The following DAGLA variants were observed in gnomAD, a reference collection of about 807,000 sequenced individuals.
The protein encoded by DAGLA is diacylglycerol lipase alpha.
In DAGLA, 22 loss-of-function variants were observed where a neutral mutation model predicts 102.6. The ratio of observed to expected loss-of-function variants is 0.21; its 90% CI spans 0.15 to 0.31. DAGLA has a LOEUF of 0.31. Ranked by LOEUF, DAGLA falls within the 10% of genes least tolerant of loss-of-function variation. The probability of loss-of-function intolerance (pLI) is 1.00; values close to 1 mark genes in which losing one functional copy is unlikely to be tolerated. For synonymous variants in DAGLA, 578 were observed against 628.9 expected (o/e 0.92, Z 1.21); for missense variants, 927 against 1,446.6 (o/e 0.64, Z 5.83).
intron 1 of DAGLA, among the ~76,000 whole-genome samples, chr11:61,715,215 G>A (rs952478440): frequency 6.6e-6 from 1 of 152,206 alleles, no homozygotes; most frequent in African/African-American, 2.4e-5. Flanking sequence ...TGTGAGGACT[G>A]AAGCCGGTTA....
At position 61,743,992 on chromosome 11, in the gene DAGLA, G is replaced by A. The variant is rs759559085; in HGVS notation, c.2632G>A (p.Glu878Lys). The A allele has an allele frequency of 1.6e-5, 26 of 1,611,882 alleles. No individual in the cohort carries two copies. Among genetic ancestry groups the A allele is most frequent in the South Asian group, 3.3e-5 (3 of 91,056 alleles). The change falls in exon 20 of 20, where the codon GAG becomes AAG. Residue 878 changes from glutamate (E) to lysine (K), a missense_variant. Glu to Lys is a moderately conservative substitution (Grantham distance 56). Around this residue, in one of 4 missense-constraint regions of DAGLA, gnomAD observed 434 missense variants for 503.3 expected, o/e 0.86. Coordinates refer to ENST00000257215, the MANE Select transcript of DAGLA (RefSeq NM_006133.3). ...ERPPSAAAND[E>K]EEEVGGGGGG... ...GCCCCCCAGTGCTGCGGCCAATGAC[G>A]AGGAGGAAGAGGTTGGCGGTGGGGG...
At chr11:61,697,452 C>T (rs1006586150) in intron 1 of DAGLA, among the ~76,000 whole-genome samples, 1 of 152,112 alleles carries the variant, frequency 6.6e-6, no homozygotes, top group African/African-American at 2.4e-5. Flanking sequence ...CAGGTGGTGC[C>T]AAGGACAGGA....
chr11:61,738,074 C>G, intron 15 of DAGLA, 61 bp from the exon 16 acceptor site: 1 of 1,391,160 alleles, frequency 7.2e-7, no homozygotes, highest in East Asian at 2.3e-5. Context: ...GCCCCTGGCC[C>G]CATACCTCTC....
intron 4 of DAGLA, 75 bp from the exon 5 acceptor site, chr11:61,723,359 C>A: frequency 6.4e-7 from 1 of 1,565,354 alleles, no homozygotes; most frequent in South Asian, 1.1e-5. Flanking sequence ...GCTCCAATGT[C>A]CCTTTCTTCA....
At chr11:61,706,125 C>T (rs1439991685) in intron 1 of DAGLA, among the ~76,000 whole-genome samples, 2 of 152,264 alleles carry the variant, frequency 1.3e-5, no homozygotes, top group South Asian at 2.1e-4. Flanking sequence ...GTAGAGTACA[C>T]CCCAGGGAGG....
chr11:61,743,318 G>C (rs567634838), intron 19 of DAGLA, among the ~76,000 whole-genome samples: 1 of 149,686 alleles, frequency 6.7e-6, no homozygotes, highest in Admixed American at 6.6e-5. Flanking sequence ...AGCCAAGATC[G>C]TGCCACTGCA....
intron 1 of DAGLA, among the ~76,000 whole-genome samples, chr11:61,690,930 C>T (rs1269074022): frequency 1.3e-5 from 2 of 152,230 alleles, no homozygotes; most frequent in South Asian, 2.1e-4. Flanking sequence ...TCCAACCGAC[C>T]TTCACCGACC....
chr11:61,689,612 C>T (rs1042553916), intron 1 of DAGLA, among the ~76,000 whole-genome samples: 3 of 151,878 alleles, frequency 2.0e-5, no homozygotes. Flanking sequence ...TCACGCCATT[C>T]TCCTGCCTCA....
At chr11:61,731,289 T>C (rs748664631) in intron 8 of DAGLA, 28 bp from the exon 9 acceptor site, 1 of 1,611,260 alleles carries the variant, frequency 6.2e-7, no homozygotes, top group East Asian at 2.2e-5. Flanking sequence ...GGGCAGGAGG[T>C]GACCGCCCTC....
At position 61,744,344 on chromosome 11, in the gene DAGLA, G is replaced by C; in HGVS notation, c.2984G>C (p.Ser995Thr). ...TCACTCTCGCCCTCCTTCCCGCTCA[G>C]CTCCTCGGGTGAGCTCATGGACCTG... is the stretch of plus-strand genomic sequence containing the variant. ...GISLSPSFPL[S>T]SSGELMDLTP... is the part of the protein sequence containing the mutation. The change falls in exon 20 of 20, where the codon AGC becomes ACC. Residue 995 changes from serine to threonine, a missense_variant. Physicochemically the swap from Ser to Thr is moderately conservative, Grantham distance 58. Transcript: ENST00000257215. 1 of 1,612,636 alleles carries C rather than the reference G, an allele frequency of 6.2e-7. No homozygotes were observed. The highest frequency in any genetic ancestry group is 8.5e-7 in the Non-Finnish European group (1 of 1,179,758).
At position 61,739,652 on chromosome 11, in the gene DAGLA, A is replaced by C; in HGVS notation, c.1844A>C (p.Glu615Ala). Residue 615 changes from glutamate to alanine, a missense_variant, in exon 17 of 20, where the codon GAG (glutamate) becomes GCG (alanine). Around this residue, in one of 4 missense-constraint regions of DAGLA, gnomAD observed 218 missense variants for 459.6 expected, o/e 0.47. Coordinates refer to ENST00000257215, the MANE Select transcript of DAGLA (RefSeq NM_006133.3). ...IIHVVHNHPA[E>A]QCCCCEQEEP... ...CACGTGGTCCACAACCACCCTGCAG[A>C]GCAGTGCTGGTAGGTTCTGCCAGGG... 1 of 1,613,736 alleles carries C rather than the reference A, an allele frequency of 6.2e-7. No individual in the cohort carries two copies. Among genetic ancestry groups the C allele is most frequent in the Non-Finnish European group, 8.5e-7 (1 of 1,179,986 alleles).
At chr11:61,727,962 G>A (rs2065343505) in intron 6 of DAGLA, among the ~76,000 whole-genome samples, 191 bp from the exon 7 acceptor site, 1 of 152,190 alleles carries the variant, frequency 6.6e-6, no homozygotes, top group Admixed American at 6.5e-5. Context: ...CCTGGGCAGG[G>A]CCCTCAGGGT....
chr11:61,742,122 C>T (rs555065359), intron 19 of DAGLA, among the ~76,000 whole-genome samples: 2 of 152,254 alleles, frequency 1.3e-5, no homozygotes, highest in South Asian at 4.2e-4. Context: ...GGCAGGTGCT[C>T]ATGGAAATGC....
chr11:61,713,761 G>T (rs2065212803), intron 1 of DAGLA, among the ~76,000 whole-genome samples: 1 of 152,180 alleles, frequency 6.6e-6, no homozygotes, highest in Admixed American at 6.5e-5. Flanking sequence ...TGTCCTGCGG[G>T]GCACCACTGG....
intron 1 of DAGLA, among the ~76,000 whole-genome samples, chr11:61,716,047 G>A (rs1451233254): frequency 1.3e-5 from 2 of 152,178 alleles, no homozygotes; most frequent in African/African-American, 4.8e-5. Flanking sequence ...GGAAGGGTGT[G>A]AGCTCAGAGG....
intron 1 of DAGLA, among the ~76,000 whole-genome samples, chr11:61,694,581 A>C (rs1468740566): frequency 1.3e-5 from 2 of 152,156 alleles, no homozygotes; most frequent in African/African-American, 2.4e-5. Flanking sequence ...TCTGCCTTTC[A>C]TCCTTTCCTG....
In DAGLA at chr11:61,741,149, G is replaced by A. The variant is rs746537380; in HGVS notation, c.1984-13G>A. 5 of 1,608,328 alleles carry A rather than the reference G, an allele frequency of 3.1e-6. No individual in the cohort carries two copies. The highest frequency in any genetic ancestry group is 3.4e-6 in the Non-Finnish European group (4 of 1,178,560). On this transcript the variant is annotated splice_polypyrimidine_tract_variant and intron_variant, in intron 18 of 19. Coordinates refer to ENST00000257215, the MANE Select transcript of DAGLA (RefSeq NM_006133.3). ...CCCTCCACCACCCCCAGCCTCCTCT[G>A]TCCTGTCCTCAGGTGCTGGAGAACT...
At chr11:61,739,747 C>G (rs890705863) in intron 17 of DAGLA, 86 bp downstream of exon 17, 100 of 1,372,676 alleles carry the variant, frequency 7.3e-5, no homozygotes, top group Non-Finnish European at 9.1e-5. Context: ...GCTCAATCAC[C>G]GCTCGGGGCT....
rs769281793 is a variant in DAGLA, at chr11:61,731,432, G to A, written c.965G>A (p.Arg322Gln). The A allele has an allele frequency of 9.3e-6, 15 of 1,613,444 alleles. 1 individual carries two copies. The South Asian group carries it at 1.3e-4, about 14-fold the overall frequency. ...GCCTGCGGCCTCTGCCAACTGGCTC[G>A]GTCCTGCTCGTGAGTACCCCTGTCC... ...KPACGLCQLA[R>Q]SCSCCLCPAR... The change falls in exon 9 of 20, where the codon CGG becomes CAG. Residue 322 changes from arginine to glutamine, a missense_variant. By Grantham distance (43) the Arg-to-Gln change is conservative. Transcript: ENST00000257215.
Sources: allele counts gnomAD v4.1 joint callset (sites outside exome capture counted in the v4.1 genomes callset), GRCh38; gene constraint gnomAD v4.1.1; regional missense constraint gnomAD v4.1.1; transcripts MANE v1.5; gene names NCBI Gene and HGNC (gene_info 2026-07-23, HGNC 2026-07-21).